The following PRKCA variants were observed in gnomAD, a reference collection of about 807,000 sequenced individuals.
PRKCA encodes the protein protein kinase C alpha, also known as protein kinase C alpha type.
Under a neutral mutation model 87.0 loss-of-function variants are expected in PRKCA, and 27 were observed. The ratio of observed to expected loss-of-function variants is 0.31; its 90% CI spans 0.23 to 0.43. The LOEUF is 0.43. PRKCA is among the 20% of genes least tolerant of loss of function. The probability of loss-of-function intolerance (pLI) is 1.00; values close to 1 mark genes in which losing one functional copy is unlikely to be tolerated. For missense variants in PRKCA, 518 were observed against 852.3 expected, an observed-to-expected ratio of 0.61 and a Z score of 4.88; for synonymous variants, 329 against 311.1, an observed-to-expected ratio of 1.06 and a Z score of -0.61.
chr17:66,306,812 C>T (rs554351790), intron 2 of PRKCA, among the ~76,000 whole-genome samples: 2 of 152,228 alleles, frequency 1.3e-5, no homozygotes, highest in Admixed American at 1.3e-4. Context: ...TTTGACTTTT[C>T]CTTTTTGAAG....
intron 13 of PRKCA, among the ~76,000 whole-genome samples, chr17:66,760,912 G>A (rs910183955): frequency 6.6e-6 from 1 of 152,120 alleles, no homozygotes; most frequent in African/African-American, 2.4e-5. Context: ...TTTTTTGGGA[G>A]GGGTACTTAG....
chr17:66,595,350 C>G (rs950534782), intron 3 of PRKCA, among the ~76,000 whole-genome samples: 1 of 151,974 alleles, frequency 6.6e-6, no homozygotes, highest in Admixed American at 6.6e-5. Flanking sequence ...ACTTTTCTTT[C>G]GCAAGTACAT....
At chr17:66,678,832 A>G (rs1972409366) in intron 5 of PRKCA, among the ~76,000 whole-genome samples, 1 of 152,194 alleles carries the variant, frequency 6.6e-6, no homozygotes, top group African/African-American at 2.4e-5. Flanking sequence ...TTGTGGCCTT[A>G]AAAATCTCTA....
rs1325730400 is a variant in PRKCA at position 66,804,034 on chromosome 17, A to G, written c.2016A>G (p.Val672=). 1 of 1,601,944 alleles carries G rather than the reference A, an allele frequency of 6.2e-7. No homozygotes were observed. The highest frequency in any genetic ancestry group is 1.3e-5 in the African/African-American group (1 of 74,816). The part of the protein sequence containing the change: ...QFVHPILQSA[V] The stretch of plus-strand genomic sequence containing the variant: ...TGCACCCCATCTTACAGAGTGCAGT[A>G]TGAAACTCACCAGCGAGAACAAACA... The change falls in exon 17 of 17, where the codon GTA becomes GTG. Residue 672 remains valine, a synonymous_variant. Transcript: ENST00000413366.
intron 2 of PRKCA, among the ~76,000 whole-genome samples, chr17:66,347,403 C>T (rs925185949): frequency 7.2e-5 from 11 of 152,112 alleles, no homozygotes; most frequent in Admixed American, 1.3e-4. Context: ...AGCTTTTTCA[C>T]GTAACTGGAG....
intron 2 of PRKCA, among the ~76,000 whole-genome samples, chr17:66,495,444 A>G (rs1916427686): frequency 6.6e-6 from 1 of 152,120 alleles, no homozygotes; most frequent in African/African-American, 2.4e-5. Context: ...TATTCTCTTT[A>G]TATTTTATTT....
At chr17:66,556,716 C>T (rs562712917) in intron 3 of PRKCA, among the ~76,000 whole-genome samples, 1 of 152,284 alleles carries the variant, frequency 6.6e-6, no homozygotes, top group South Asian at 2.1e-4. Context: ...GGGCTTCCCC[C>T]TTTGCTCAGC....
At chr17:66,758,096 C>T (rs960530126) in intron 13 of PRKCA, among the ~76,000 whole-genome samples, 2 of 152,210 alleles carry the variant, frequency 1.3e-5, no homozygotes, top group African/African-American at 4.8e-5. Context: ...CAAGGAAGGG[C>T]AGGCTTTGCA....
rs377317329 is a variant in PRKCA at position 66,536,874 on chromosome 17, T to G, written c.288+40591T>G. Among the ~76,000 whole-genome samples, 12 of 152,314 alleles carry G rather than the reference T, an allele frequency of 7.9e-5. No individual in the cohort carries two copies. In the East Asian group the frequency reaches 1.2e-3, roughly 15 times the overall value. The stretch of plus-strand genomic sequence containing the variant: ...CAGATTGAGCACCATGTGGGTCCAG[T>G]CCCTGAGATGAGTGCTTGATAGATA... On this transcript the variant is annotated intron_variant, in intron 3 of 16. Coordinates refer to ENST00000413366, the MANE Select transcript of PRKCA (RefSeq NM_002737.3).
intron 6 of PRKCA, 82 bp downstream of exon 6, chr17:66,687,349 T>C: frequency 6.8e-7 from 1 of 1,465,908 alleles, no homozygotes; most frequent in South Asian, 1.3e-5. Context: ...ATGAAGTAGG[T>C]TCATTATAAA....
intron 5 of PRKCA, among the ~76,000 whole-genome samples, chr17:66,665,230 G>A (rs1439491924): frequency 1.3e-5 from 2 of 152,134 alleles, no homozygotes; most frequent in Non-Finnish European, 2.9e-5. Context: ...GGTTCCTATT[G>A]CATGAAACTC....
intron 13 of PRKCA, among the ~76,000 whole-genome samples, chr17:66,762,259 CCTG>C (rs1318432522): frequency 2.0e-5 from 3 of 152,206 alleles, no homozygotes; most frequent in Non-Finnish European, 4.4e-5. Context: ...CTTTCACCCA[CCTG>C]CTTATTTCTG....
At chr17:66,765,391 G>A (rs980980744) in intron 13 of PRKCA, among the ~76,000 whole-genome samples, 4 of 112,646 alleles carry the variant, frequency 3.6e-5, no homozygotes, top group Non-Finnish European at 5.4e-5. Flanking sequence ...ACTGCATTCC[G>A]GCCTGGTCGA....
At chr17:66,679,049 A>C (rs1972415552) in intron 5 of PRKCA, among the ~76,000 whole-genome samples, 1 of 152,160 alleles carries the variant, frequency 6.6e-6, no homozygotes, top group Non-Finnish European at 1.5e-5. Context: ...TCATTGATTC[A>C]GTCCCTGGCC....
intron 8 of PRKCA, among the ~76,000 whole-genome samples, chr17:66,727,860 C>T (rs531288653): frequency 6.6e-6 from 1 of 152,140 alleles, no homozygotes; most frequent in Non-Finnish European, 1.5e-5. Context: ...TGCCCTGGCG[C>T]CCTGCCCACC....
chr17:66,510,103 G>T (rs1261439311), intron 3 of PRKCA, among the ~76,000 whole-genome samples: 3 of 152,094 alleles, frequency 2.0e-5, no homozygotes, highest in African/African-American at 7.2e-5. Context: ...GGATGAGGAA[G>T]GGGCTTTACT....
intron 2 of PRKCA, among the ~76,000 whole-genome samples, chr17:66,439,322 A>G (rs926505553): frequency 1.3e-5 from 2 of 152,108 alleles, no homozygotes; most frequent in African/African-American, 2.4e-5. Context: ...CTGGGACTAC[A>G]GGTGTGCACC....
chr17:66,639,743 T>A (rs1971240516), intron 3 of PRKCA, among the ~76,000 whole-genome samples: 1 of 150,804 alleles, frequency 6.6e-6, no homozygotes, highest in Admixed American at 6.6e-5. Flanking sequence ...ATGCCTGTAA[T>A]CCCAGCACTT....
chr17:66,345,771 C>T (rs1368413660), intron 2 of PRKCA, among the ~76,000 whole-genome samples: 1 of 152,150 alleles, frequency 6.6e-6, no homozygotes, highest in Non-Finnish European at 1.5e-5. Context: ...GAAGAAATCT[C>T]TCTGAACTTC....
Sources: gnomAD v4.1 joint callset for allele counts (sites outside exome capture counted in the v4.1 genomes callset) on GRCh38, gnomAD v4.1.1 for gene constraint, MANE v1.5 for transcripts, NCBI Gene and HGNC (gene_info 2026-07-23, HGNC 2026-07-21) for gene names.